The following DACH2 variants were observed in gnomAD, a reference collection of about 807,000 sequenced individuals.
DACH2 encodes dachshund family transcription factor 2.
DACH2 carries 17 observed loss-of-function variants against 35.8 expected under a neutral mutation model. The observed-to-expected ratio is 0.48, with a 90% CI of 0.33 to 0.71. The LOEUF (loss-of-function observed/expected upper bound fraction) is 0.71, where lower values mean the gene tolerates loss of function less well. Among genes scored for constraint, DACH2 ranks in the 30% least tolerant of loss-of-function variants. The pLI is 0.02. For missense variants in DACH2, 469 were observed against 472.7 expected (o/e 0.99, Z 0.07); for synonymous variants, 195 against 177.3 (o/e 1.10, Z -0.79).
intron 7 of DACH2, among the ~76,000 whole-genome samples, chrX:86,775,057 G>A (rs757148996): frequency 1.8e-5 from 2 of 111,315 alleles, no homozygotes; most frequent in Non-Finnish European, 3.8e-5. Flanking sequence ...GTGTATTTAG[G>A]AACAATAAAG....
intron 3 of DACH2, among the ~76,000 whole-genome samples, chrX:86,529,925 C>G (rs1334490283): frequency 9.4e-6 from 1 of 106,076 alleles, no homozygotes; most frequent in Admixed American, 1.0e-4. Context: ...TCTGTATGGT[C>G]AAATAGTATT....
chrX:86,724,784 G>A lies in DACH2; in HGVS notation c.1104+10064G>A, dbSNP rs185572105. The stretch of plus-strand genomic sequence containing the variant: ...ATTACTCCCTCATATAGGTTTTCTC[G>A]ACTTTTGGTTCTTTCTTCCCCCTCG... On this transcript the variant is annotated intron_variant, in intron 6 of 11. Coordinates refer to ENST00000373125, the MANE Select transcript of DACH2 (RefSeq NM_053281.3). 1.2e-4 allele frequency among the ~76,000 whole-genome samples: 13 copies of A among 110,855 alleles called. No individual in the cohort carries two copies. In the East Asian group the frequency reaches 2.0e-3, roughly 17 times the overall value.
chrX:86,782,587 C>T (rs1252106464), intron 7 of DACH2, among the ~76,000 whole-genome samples: 2 of 111,259 alleles, frequency 1.8e-5, no homozygotes, highest in Non-Finnish European at 3.8e-5. Context: ...AATAGAAAAC[C>T]CAGAAACAAA....
chrX:86,393,742 A>C, intron 2 of DACH2, among the ~76,000 whole-genome samples: 1 of 111,164 alleles, frequency 9.0e-6, no homozygotes, highest in Non-Finnish European at 1.9e-5. Context: ...AGCAGCTAGA[A>C]ATAGAGTTTA....
intron 1 of DACH2, among the ~76,000 whole-genome samples, chrX:86,186,458 T>A (rs187191471): frequency 9.8e-4 from 110 of 112,333 alleles, no homozygotes; most frequent in Non-Finnish European, 9.4e-4. Flanking sequence ...AAGAATATTA[T>A]TTCAGGGGAA....
At chrX:86,722,733 CTT>C (rs2041421383) in intron 6 of DACH2, among the ~76,000 whole-genome samples, 1 of 111,256 alleles carries the variant, frequency 9.0e-6, no homozygotes, top group African/African-American at 3.3e-5. Flanking sequence ...GTGTTATTGA[CTT>C]AATTTATTAA....
chrX:86,151,147 A>T (rs1025057926), intron 1 of DACH2, among the ~76,000 whole-genome samples: 2 of 111,613 alleles, frequency 1.8e-5, no homozygotes, highest in Non-Finnish European at 3.8e-5. Flanking sequence ...ACTAAAAAAA[A>T]AAATCCAGAG....
intron 2 of DACH2, among the ~76,000 whole-genome samples, chrX:86,451,857 G>C (rs1320960897): frequency 3.6e-5 from 4 of 111,003 alleles, no homozygotes; most frequent in Non-Finnish European, 7.6e-5. Context: ...TTGCCTGTTT[G>C]ATCTGTCCGG....
chrX:86,629,719 C>A (rs770811544), intron 3 of DACH2, among the ~76,000 whole-genome samples: 3 of 98,653 alleles, frequency 3.0e-5, no homozygotes, highest in East Asian at 4.1e-4. Context: ...CCTATCTCTG[C>A]AGAATAAAAA....
At chrX:86,676,632 C>A (rs1240340542) in intron 4 of DACH2, among the ~76,000 whole-genome samples, 1 of 111,381 alleles carries the variant, frequency 9.0e-6, no homozygotes, top group African/African-American at 3.3e-5. Context: ...ATGTGTCCAG[C>A]GGCTACTATA....
chrX:86,663,454 T>G (rs1205371222), intron 4 of DACH2, among the ~76,000 whole-genome samples: 1 of 111,655 alleles, frequency 9.0e-6, no homozygotes, highest in Non-Finnish European at 1.9e-5. Context: ...CCCAGGGTAT[T>G]ATATTTTTGA....
chrX:86,294,964 T>A (rs1291902191), intron 1 of DACH2, among the ~76,000 whole-genome samples: 2 of 112,155 alleles, frequency 1.8e-5, no homozygotes, highest in African/African-American at 3.2e-5. Context: ...TCGAGCTTCC[T>A]GGCTGCTTTG....
At chrX:86,194,781 C>T (rs2031931940) in intron 1 of DACH2, among the ~76,000 whole-genome samples, 1 of 112,559 alleles carries the variant, frequency 8.9e-6, no homozygotes, top group South Asian at 3.7e-4. Flanking sequence ...GGGATGGCCA[C>T]CCGCTAAGCT....
intron 2 of DACH2, among the ~76,000 whole-genome samples, chrX:86,416,272 G>A (rs2036701627): frequency 1.8e-5 from 2 of 112,129 alleles, no homozygotes; most frequent in Non-Finnish European, 3.8e-5. Context: ...ACTGGGTTGG[G>A]TGGGAAGAAT....
chrX:86,541,712 G>T (rs1244087439), intron 3 of DACH2, among the ~76,000 whole-genome samples: 1 of 111,463 alleles, frequency 9.0e-6, no homozygotes, highest in Non-Finnish European at 1.9e-5. Flanking sequence ...CACACTATAT[G>T]CTCAATAGTA....
chrX:86,622,761 A>T (rs1218764195), intron 3 of DACH2, among the ~76,000 whole-genome samples: 8 of 111,911 alleles, frequency 7.1e-5, no homozygotes, highest in African/African-American at 2.6e-4. Context: ...CTTTGTTTAA[A>T]ATGTCTTAAT....
At chrX:86,577,552 A>G (rs1949027448) in intron 3 of DACH2, among the ~76,000 whole-genome samples, 1 of 111,665 alleles carries the variant, frequency 9.0e-6, no homozygotes, top group South Asian at 3.7e-4. Flanking sequence ...CTTTTGTGAT[A>G]TTTTAAAATA....
chrX:86,411,985 G>A (rs2036622319), intron 2 of DACH2, among the ~76,000 whole-genome samples: 1 of 111,417 alleles, frequency 9.0e-6, no homozygotes, highest in South Asian at 3.8e-4. Context: ...GTAATACCAA[G>A]AGACACCTAA....
chrX:86,188,241 T>C (rs1474643143), intron 1 of DACH2, among the ~76,000 whole-genome samples: 1 of 111,889 alleles, frequency 8.9e-6, no homozygotes, highest in East Asian at 2.8e-4. Context: ...CCAGTCTAAT[T>C]GCTGTAAATT....
Sources: allele counts gnomAD v4.1 joint callset (sites outside exome capture counted in the v4.1 genomes callset), GRCh38; gene constraint gnomAD v4.1.1; transcripts MANE v1.5; gene names NCBI Gene and HGNC (gene_info 2026-07-23, HGNC 2026-07-21).